Variants in DNAH14 observed in about 807,000 individuals in gnomAD.
DNAH14 encodes the protein dynein axonemal heavy chain 14, also known as axonemal beta dynein heavy chain 14.
In DNAH14, 478 loss-of-function variants were observed where a neutral mutation model predicts 520.9. The observed-to-expected ratio is 0.92, with a 90% CI of 0.85 to 0.99. DNAH14 has a LOEUF of 0.99. Ranked by LOEUF, DNAH14 falls within the 50% of genes least tolerant of loss-of-function variation. DNAH14 has a pLI of 0.00. For missense variants in DNAH14, 4,831 were observed against 5,234.5 expected (o/e 0.92, Z 2.38); for synonymous variants, 1,581 against 1,757.2 (o/e 0.90, Z 2.51).
rs2095100050 is a variant in DNAH14, at chr1:225,338,145, G to GT, written c.10398dup (p.Gly3467TrpfsTer2). The GT allele has an allele frequency of 1.3e-6, 2 of 1,551,742 alleles. No homozygotes were observed. The highest frequency in any genetic ancestry group is 2.0e-5 in the Admixed American group (1 of 50,970). ...GAAAAAAGGACACTATTTCATAAGG[G>GT]TTGGTGATGCTGAGTTCGAATACAA... On this transcript the variant is annotated frameshift_variant, in exon 68 of 86. Coordinates refer to ENST00000682510, the MANE Select transcript of DNAH14 (RefSeq NM_001367479.1). LOFTEE classifies it high-confidence loss of function.
At chr1:224,984,606 A>G (rs1163490862) in intron 8 of DNAH14, among the ~76,000 whole-genome samples, 1 of 152,234 alleles carries the variant, frequency 6.6e-6, no homozygotes, top group Admixed American at 6.5e-5. Flanking sequence ...TAAACAGACA[A>G]TCCACAGAGT....
At chr1:224,988,187 T>C (rs527756962) in intron 8 of DNAH14, among the ~76,000 whole-genome samples, 4 of 152,318 alleles carry the variant, frequency 2.6e-5, no homozygotes, top group African/African-American at 7.2e-5. Flanking sequence ...TTGCTGATGA[T>C]AATGGTTTCC....
intron 85 of DNAH14, 122 bp from the exon 86 acceptor site, chr1:225,398,932 C>A (rs1436007306): frequency 3.5e-6 from 3 of 867,388 alleles, no homozygotes; most frequent in Non-Finnish European, 3.5e-6. Flanking sequence ...GTTACATTAA[C>A]CATTTAACCT....
At chr1:225,135,316 C>T (rs1160930879) in intron 27 of DNAH14, among the ~76,000 whole-genome samples, 1 of 152,168 alleles carries the variant, frequency 6.6e-6, no homozygotes, top group African/African-American at 2.4e-5. Flanking sequence ...CCTCTTAACA[C>T]TGCTTTAGCT....
At chr1:225,308,813 A>G (rs1208833868) in intron 60 of DNAH14, among the ~76,000 whole-genome samples, 2 of 152,184 alleles carry the variant, frequency 1.3e-5, no homozygotes, top group African/African-American at 4.8e-5. Flanking sequence ...TAAATTGACC[A>G]TTCTCCTCCA....
intron 1 of DNAH14, among the ~76,000 whole-genome samples, chr1:224,950,786 T>C (rs984319623): frequency 1.4e-4 from 21 of 152,348 alleles, no homozygotes; most frequent in Non-Finnish European, 1.9e-4. Context: ...ACTTTAGTGA[T>C]AGGTAACACT....
chr1:224,960,339 C>T (rs764443549), intron 4 of DNAH14, 37 bp downstream of exon 4: 1 of 1,473,150 alleles, frequency 6.8e-7, no homozygotes, highest in South Asian at 1.5e-5. Context: ...TTAGAAATCA[C>T]TATACTTTTT....
intron 38 of DNAH14, among the ~76,000 whole-genome samples, chr1:225,203,244 A>C (rs1387935128): frequency 6.6e-6 from 1 of 152,208 alleles, no homozygotes; most frequent in Non-Finnish European, 1.5e-5. Context: ...TCTGCAAGTC[A>C]AAACAATCTA....
intron 55 of DNAH14, among the ~76,000 whole-genome samples, chr1:225,298,456 T>A (rs948969192): frequency 3.9e-5 from 6 of 152,174 alleles, no homozygotes; most frequent in Admixed American, 3.9e-4. Context: ...GCCAGATTAT[T>A]CCCCTGACTA....
chr1:225,185,997 CTA>C (rs1176441646), intron 37 of DNAH14, among the ~76,000 whole-genome samples: 1 of 83,034 alleles, frequency 1.2e-5, no homozygotes, highest in Non-Finnish European at 2.6e-5. Flanking sequence ...TTTTCAGCAT[CTA>C]TTTTTTAAAT....
At chr1:225,045,539 A>G (rs1443860380) in intron 15 of DNAH14, among the ~76,000 whole-genome samples, 1 of 152,056 alleles carries the variant, frequency 6.6e-6, no homozygotes, top group African/African-American at 2.4e-5. Context: ...TCCAGTGTGT[A>G]CCAGTTGCTC....
intron 46 of DNAH14, among the ~76,000 whole-genome samples, chr1:225,261,499 A>G (rs1458942426): frequency 6.6e-6 from 1 of 152,156 alleles, no homozygotes; most frequent in Non-Finnish European, 1.5e-5. Flanking sequence ...TCCCCACTTG[A>G]TCATGGTGAA....
At chr1:225,366,730 A>G (rs1376539451) in intron 76 of DNAH14, among the ~76,000 whole-genome samples, 1 of 152,142 alleles carries the variant, frequency 6.6e-6, no homozygotes, top group African/African-American at 2.4e-5. Flanking sequence ...TCCTGGAGCC[A>G]CTTACCTTCT....
At chr1:225,084,775 A>G (rs1558905637) in intron 20 of DNAH14, among the ~76,000 whole-genome samples, 1 of 136,138 alleles carries the variant, frequency 7.3e-6, no homozygotes, top group South Asian at 2.3e-4. Flanking sequence ...CCATACTTTA[A>G]CCATAAAGAC....
chr1:225,337,035 T>C (rs1374374806), intron 66 of DNAH14, among the ~76,000 whole-genome samples: 1 of 152,236 alleles, frequency 6.6e-6, no homozygotes, highest in Non-Finnish European at 1.5e-5. Flanking sequence ...TTTGTTGTGA[T>C]GGGCATCATA....
chr1:225,269,100 A>C lies in DNAH14; in HGVS notation c.7540-1635A>C, dbSNP rs1181948583. ...ACTATACTACAAGGCTACCGTAACC[A>C]AAACAGCATCGTGCTGGTACCACAA... On this transcript the variant is annotated intron_variant, in intron 49 of 85. Transcript: ENST00000682510. Among the ~76,000 whole-genome samples, 9 of 152,358 alleles carry C rather than the reference A, an allele frequency of 5.9e-5. No homozygotes were observed. In the East Asian group the frequency reaches 1.5e-3, roughly 26 times the overall value.
intron 38 of DNAH14, among the ~76,000 whole-genome samples, chr1:225,201,476 T>A (rs1473307698): frequency 6.6e-6 from 1 of 152,166 alleles, no homozygotes; most frequent in African/African-American, 2.4e-5. Context: ...TTTCTGGTTC[T>A]TTCTCATTTG....
At chr1:225,122,053 T>C (rs2077344566) in intron 26 of DNAH14, among the ~76,000 whole-genome samples, 2 of 152,060 alleles carry the variant, frequency 1.3e-5, no homozygotes, top group South Asian at 4.2e-4. Context: ...AATTATAAGA[T>C]GCTTTCTGAT....
chr1:225,335,590 T>C (rs1157870556), intron 66 of DNAH14, among the ~76,000 whole-genome samples: 2 of 149,376 alleles, frequency 1.3e-5, no homozygotes, highest in African/African-American at 2.4e-5. Flanking sequence ...TGTGCATATA[T>C]GTATATACGC....
Sources: allele counts gnomAD v4.1 joint callset (sites outside exome capture counted in the v4.1 genomes callset), GRCh38; gene constraint gnomAD v4.1.1; transcripts MANE v1.5; gene names NCBI Gene and HGNC (gene_info 2026-07-23, HGNC 2026-07-21).